The following TG variants were observed in gnomAD, a reference collection of about 807,000 sequenced individuals.
TG encodes thyroid hormones.
Under a neutral mutation model 324.7 loss-of-function variants are expected in TG, and 270 were observed. The ratio of observed to expected loss-of-function variants is 0.83; its 90% confidence interval spans 0.75 to 0.92. TG has a LOEUF of 0.92. Among genes scored for constraint, TG ranks in the 40% least tolerant of loss-of-function variants. The pLI is 0.00. For synonymous variants in TG, 1,401 were observed against 1,327.0 expected (o/e 1.06, Z -1.21); for missense variants, 3,591 against 3,456.4 (o/e 1.04, Z -0.98).
At chr8:133,075,067 G>A in intron 41 of TG, 1 of 985,428 alleles carries the variant, frequency 1.0e-6, no homozygotes, top group Non-Finnish European at 1.2e-6. Flanking sequence ...GAAGGCACAG[G>A]GCTTGCAGAA....
chr8:133,045,092 G>A (rs1839065503), intron 41 of TG: 1 of 1,614,070 alleles, frequency 6.2e-7, no homozygotes, highest in South Asian at 1.1e-5. Flanking sequence ...ACCTGCCTGT[G>A]TCTCACCGAC....
chr8:133,098,848 A>G (rs1011996700), intron 43 of TG, among the ~76,000 whole-genome samples: 3 of 152,118 alleles, frequency 2.0e-5, no homozygotes, highest in Non-Finnish European at 2.9e-5. Flanking sequence ...GTTCATTGTG[A>G]GAGGGATGAC....
intron 14 of TG, 102 bp downstream of exon 14, chr8:132,899,012 A>G (rs1412877778): frequency 1.1e-5 from 11 of 1,042,770 alleles, no homozygotes; most frequent in Non-Finnish European, 1.6e-5. Flanking sequence ...AAAAGCTCAC[A>G]TGATGTTCTC....
intron 35 of TG, chr8:132,995,503 C>G (rs1451339006): frequency 2.0e-6 from 2 of 985,254 alleles, no homozygotes; most frequent in African/African-American, 1.7e-5. Context: ...TGGTGCTGGA[C>G]TCACTTTGCT....
chr8:132,950,468 T>C (rs576191308), intron 27 of TG, among the ~76,000 whole-genome samples: 17 of 152,302 alleles, frequency 1.1e-4, no homozygotes, highest in Non-Finnish European at 2.4e-4. Flanking sequence ...CACCTTTATA[T>C]CCTGCATTTC....
At chr8:133,095,232 G>A (rs1011374690) in intron 42 of TG, 24 bp downstream of exon 42, 5 of 1,614,062 alleles carry the variant, frequency 3.1e-6, no homozygotes, top group Middle Eastern at 3.3e-4. Context: ...TGCAAGTTGG[G>A]AAGGGACATT....
chr8:133,041,825 G>T (rs916040145), intron 41 of TG, among the ~76,000 whole-genome samples: 3 of 130,838 alleles, frequency 2.3e-5, no homozygotes, highest in East Asian at 2.2e-4. Context: ...GTCTTGCTCT[G>T]TCTCCAGGCT....
At chr8:133,015,724 G>T (rs1382053108) in intron 37 of TG, among the ~76,000 whole-genome samples, 3 of 152,204 alleles carry the variant, frequency 2.0e-5, no homozygotes, top group African/African-American at 7.2e-5. Context: ...GGTCCTGAGT[G>T]CTTGCCCAAG....
intron 41 of TG, among the ~76,000 whole-genome samples, chr8:133,069,648 C>G (rs1020829438): frequency 6.6e-6 from 1 of 152,104 alleles, no homozygotes; most frequent in Non-Finnish European, 1.5e-5. Context: ...AGGTTTGTTT[C>G]TACTCTCGGC....
intron 40 of TG, among the ~76,000 whole-genome samples, chr8:133,028,502 G>C (rs185809236): frequency 3.2e-4 from 49 of 152,340 alleles, no homozygotes; most frequent in African/African-American, 1.1e-3. Context: ...CATAATGTTA[G>C]AACCTAAACC....
Position 133,019,704 on chromosome 8 carries a change from A to G in TG, c.6876+9A>G. On this transcript the variant is annotated intron_variant, in intron 39 of 47. Coordinates refer to ENST00000220616, the MANE Select transcript of TG (RefSeq NM_003235.5). The stretch of plus-strand genomic sequence containing the variant: ...TCATCCCTCAGAATGTGGTGAGTTC[A>G]AAAGCACTTGCTATGGTTGCCCTGA... 6.2e-7 allele frequency: 1 copy of G among 1,609,538 alleles called. No homozygotes were observed. Among genetic ancestry groups the G allele is most frequent in the Non-Finnish European group, 8.5e-7 (1 of 1,176,510 alleles).
intron 41 of TG, among the ~76,000 whole-genome samples, chr8:133,059,348 C>A (rs1842033208): frequency 6.6e-6 from 1 of 152,162 alleles, no homozygotes; most frequent in African/African-American, 2.4e-5. Context: ...AAAGGTCAGG[C>A]CATTAGAAGG....
chr8:133,040,398 G>A (rs1458281960), intron 41 of TG: 1 of 410,382 alleles, frequency 2.4e-6, no homozygotes, highest in Non-Finnish European at 4.4e-6. Flanking sequence ...ACCAAGCTTG[G>A]GTTTGAATTT....
At chr8:133,060,175 C>A in intron 41 of TG, 1 of 1,612,348 alleles carries the variant, frequency 6.2e-7, no homozygotes, top group Non-Finnish European at 8.5e-7. Flanking sequence ...TTCTTTTTCC[C>A]TGGGGCCGCT....
rs1461393675 is a variant in TG, at chr8:133,095,208, G to C, written c.7404G>C (p.Lys2468Asn). 1 of 1,614,186 alleles carries C rather than the reference G, an allele frequency of 6.2e-7. No homozygotes were observed. Among genetic ancestry groups the C allele is most frequent in the East Asian group, 2.2e-5 (1 of 44,886 alleles). The stretch of plus-strand genomic sequence containing the variant: ...ATGTCCTCAATGATGCCCAGACCAA[G>C]GTGAGCACTTAAGTGCAAGTTGGGA... ...PANVLNDAQT[K>N]LLAVSGPFHY... The change falls in exon 42 of 48, where the codon AAG becomes AAC. Residue 2468 changes from lysine to asparagine, a missense_variant and splice_region_variant. Transcript: ENST00000220616.
At chr8:133,025,160 C>T (rs756226827) in intron 40 of TG, among the ~76,000 whole-genome samples, 1 of 152,190 alleles carries the variant, frequency 6.6e-6, no homozygotes, top group Non-Finnish European at 1.5e-5. Context: ...AACTGAGGCA[C>T]AGAGATAAGG....
At chr8:133,100,658 C>T (rs973923581) in intron 43 of TG, among the ~76,000 whole-genome samples, 1 of 152,166 alleles carries the variant, frequency 6.6e-6, no homozygotes, top group Non-Finnish European at 1.5e-5. Context: ...CAAATATCCT[C>T]TTCCCATGAC....
At chr8:132,938,413 C>A (rs1427136713) in intron 25 of TG, among the ~76,000 whole-genome samples, 1 of 152,104 alleles carries the variant, frequency 6.6e-6, no homozygotes, top group Admixed American at 6.5e-5. Flanking sequence ...TAGCCCAACC[C>A]CTCATCTCAC....
chr8:132,980,849 A>T (rs1452652919), intron 34 of TG, among the ~76,000 whole-genome samples: 1 of 152,170 alleles, frequency 6.6e-6, no homozygotes, highest in Non-Finnish European at 1.5e-5. Context: ...ACTCCCACCT[A>T]ATCAGTTGTA....
Sources: allele counts gnomAD v4.1 joint callset (sites outside exome capture counted in the v4.1 genomes callset), GRCh38; gene constraint gnomAD v4.1.1; transcripts MANE v1.5; gene names NCBI Gene and HGNC (gene_info 2026-07-23, HGNC 2026-07-21).